TUSC3: variants seen among roughly 807,000 people sequenced by gnomAD.
TUSC3 encodes the protein tumor suppressor candidate 3.
In TUSC3, 45 loss-of-function variants were observed where a neutral mutation model predicts 44.8. That is an observed-to-expected ratio of 1.00 (90% confidence interval 0.79 to 1.29). TUSC3 has a LOEUF of 1.29. TUSC3 is among the 50% of genes most tolerant of loss of function. The pLI is 0.00. For missense variants in TUSC3, 519 were observed against 437.9 expected, an observed-to-expected ratio of 1.19 and a Z score of -1.65; for synonymous variants, 212 against 152.9, an observed-to-expected ratio of 1.39 and a Z score of -2.85.
the TUSC3 span, among the ~76,000 whole-genome samples, chr8:15,805,071 T>C: frequency 1.3e-5 from 2 of 152,132 alleles, no homozygotes; most frequent in Non-Finnish European, 2.9e-5. Flanking sequence ...TTCCTAGGTA[T>C]TTTATTTTTG....
intron 1 of TUSC3, among the ~76,000 whole-genome samples, chr8:15,556,591 A>G (rs1802274949): frequency 6.8e-6 from 1 of 147,440 alleles, no homozygotes; most frequent in Non-Finnish European, 1.5e-5. Context: ...TGACTTCCAC[A>G]ATGGTTGAAC....
intron 2 of TUSC3, among the ~76,000 whole-genome samples, chr8:15,512,866 G>A (rs6987808): frequency 0.011 from 816 of 74,496 alleles, 17 homozygotes; most frequent in African/African-American, 0.051. Flanking sequence ...GTATATATAT[G>A]TGTGTGTATA....
intron 1 of TUSC3, among the ~76,000 whole-genome samples, chr8:15,553,141 T>TG (rs1480501517): frequency 2.6e-5 from 4 of 151,732 alleles, no homozygotes; most frequent in African/African-American, 9.7e-5. Context: ...ATGTATGAGA[T>TG]GCCTGTGTGA....
intron 6 of TUSC3, among the ~76,000 whole-genome samples, chr8:15,706,313 CAAAGGAAAAG>C (rs1269576029): frequency 4.6e-5 from 7 of 151,868 alleles, no homozygotes; most frequent in African/African-American, 1.5e-4. Flanking sequence ...ATTAAGGAAG[CAAAGGAAAAG>C]AAAGTGTTAT....
At chr8:15,457,839 GATTAATT>G (rs1800279014) in intron 1 of TUSC3, among the ~76,000 whole-genome samples, 1 of 138,028 alleles carries the variant, frequency 7.2e-6, no homozygotes, top group Non-Finnish European at 1.6e-5. Flanking sequence ...TAATAAATTA[GATTAATT>G]ATCTAATAAT....
rs939392845 is a variant in TUSC3, at chr8:15,549,708, T to G, written c.138+9140T>G. Among the ~76,000 whole-genome samples, 18 of 151,492 alleles carry G rather than the reference T, an allele frequency of 1.2e-4. 1 individual carries two copies. Among genetic ancestry groups the G allele is most frequent in the Non-Finnish European group, 2.2e-4 (15 of 67,794 alleles). ...TGTTTTTTAGAATTTTCAAGGGGAGTAAAAGTTTTTCTCGTACTCATAATA... is the reference window on the plus strand; with the variant it reads ...TGTTTTTTAGAATTTTCAAGGGGAGGAAAAGTTTTTCTCGTACTCATAATA... On this transcript the variant is annotated intron_variant, in intron 1 of 10. Transcript: ENST00000503731.
intron 1 of TUSC3, among the ~76,000 whole-genome samples, chr8:15,466,876 C>A (rs1045258942): frequency 1.3e-5 from 2 of 152,022 alleles, no homozygotes; most frequent in Non-Finnish European, 2.9e-5. Context: ...ACTCAGAGGG[C>A]CATTGATAAT....
intron 5 of TUSC3, among the ~76,000 whole-genome samples, chr8:15,673,161 C>G (rs549627433): frequency 6.6e-6 from 1 of 152,164 alleles, no homozygotes; most frequent in Admixed American, 6.5e-5. Flanking sequence ...ACAGCTTTGT[C>G]TGATATATTC....
At chr8:15,508,281 C>G (rs184465360) in intron 2 of TUSC3, among the ~76,000 whole-genome samples, 1 of 152,032 alleles carries the variant, frequency 6.6e-6, no homozygotes. Context: ...CAAAACCTTG[C>G]TCTGGACAAA....
intron 1 of TUSC3, among the ~76,000 whole-genome samples, chr8:15,469,229 C>T (rs916504734): frequency 6.6e-6 from 1 of 152,156 alleles, no homozygotes; most frequent in Non-Finnish European, 1.5e-5. Flanking sequence ...GAAGACAAGT[C>T]ACTGACTAGG....
the TUSC3 span, chr8:15,807,073 A>T: frequency 2.2e-6 from 3 of 1,391,764 alleles, no homozygotes; most frequent in African/African-American, 4.2e-5. Context: ...TGCTCACAGC[A>T]GTATTTGGCA....
chr8:15,540,612 C>A, intron 1 of TUSC3, 44 bp downstream of exon 1: 1 of 1,495,826 alleles, frequency 6.7e-7, no homozygotes, highest in South Asian at 1.3e-5. Flanking sequence ...CGGGGGCGGG[C>A]CAGGGTGGGC....
intron 1 of TUSC3, among the ~76,000 whole-genome samples, chr8:15,420,353 G>A (rs1480000728): frequency 6.6e-6 from 1 of 151,990 alleles, no homozygotes; most frequent in Non-Finnish European, 1.5e-5. Flanking sequence ...AAAAAAATTA[G>A]CCGGGCATGG....
At chr8:15,428,509 G>A (rs12553994) in intron 1 of TUSC3, among the ~76,000 whole-genome samples, 2 of 152,032 alleles carry the variant, frequency 1.3e-5, no homozygotes, top group South Asian at 4.2e-4. Flanking sequence ...TGGGTCAAAT[G>A]GTATTTCTAG....
chr8:15,537,545 C>CT (rs1409128905), upstream of TUSC3, among the ~76,000 whole-genome samples: 1 of 152,148 alleles, frequency 6.6e-6, no homozygotes, highest in East Asian at 1.9e-4. Flanking sequence ...TGTCATCAAC[C>CT]TAAGTCAGGG....
chr8:15,428,452 C>A (rs1419353755), intron 1 of TUSC3, among the ~76,000 whole-genome samples: 1 of 151,864 alleles, frequency 6.6e-6, no homozygotes. Context: ...GTCTTTATAG[C>A]AGCATGATTT....
intron 1 of TUSC3, among the ~76,000 whole-genome samples, chr8:15,476,697 A>G (rs556243983): frequency 3.5e-4 from 53 of 152,304 alleles, no homozygotes; most frequent in African/African-American, 1.3e-3. Flanking sequence ...AGTACCCTCC[A>G]CAGGGTGGGA....
chr8:15,553,992 A>T (rs1486913986), intron 1 of TUSC3, among the ~76,000 whole-genome samples: 1 of 151,474 alleles, frequency 6.6e-6, no homozygotes, highest in African/African-American at 2.4e-5. Context: ...ACACCATACA[A>T]ATTTTTTTCT....
intron 1 of TUSC3, among the ~76,000 whole-genome samples, chr8:15,621,579 G>T (rs1805246992): frequency 6.8e-6 from 1 of 146,282 alleles, no homozygotes. Context: ...AACTCAGACT[G>T]CAAATATATA....
Sources: allele counts gnomAD v4.1 joint callset (sites outside exome capture counted in the v4.1 genomes callset), GRCh38; gene constraint gnomAD v4.1.1; transcripts MANE v1.5; gene names NCBI Gene and HGNC (gene_info 2026-07-23, HGNC 2026-07-21).